Variants in POU3F3 observed in about 807,000 individuals in gnomAD.
POU3F3 encodes POU domain, class 3, transcription factor 3.
POU3F3 carries 1 observed loss-of-function variant against 8.6 expected under a neutral mutation model. The ratio of observed to expected loss-of-function variants is 0.12; its 90% confidence interval spans 0.04 to 0.55. The LOEUF (loss-of-function observed/expected upper bound fraction) is 0.55. Ranked by LOEUF, POU3F3 falls within the 20% of genes least tolerant of loss-of-function variation. The probability of loss-of-function intolerance (pLI) is 0.91; values close to 1 mark genes in which losing one functional copy is unlikely to be tolerated. For synonymous variants in POU3F3, 418 were observed against 327.4 expected (o/e 1.28, Z -2.99); for missense variants, 577 against 690.7 (o/e 0.84, Z 1.84).
downstream of POU3F3, among the ~76,000 whole-genome samples, chr2:104,862,243 G>A (rs1676668405): frequency 6.6e-6 from 1 of 152,166 alleles, no homozygotes; most frequent in South Asian, 2.1e-4. Flanking sequence ...TGATGAGTCC[G>A]GTCTTCCTCA....
chr2:104,904,444 C>G, the POU3F3 span, among the ~76,000 whole-genome samples: 4 of 151,754 alleles, frequency 2.6e-5, no homozygotes, highest in South Asian at 8.3e-4. Flanking sequence ...AAAAATCAAC[C>G]AAAAAAATCA....
At chr2:104,926,262 A>G in the POU3F3 span, among the ~76,000 whole-genome samples, 1 of 152,228 alleles carries the variant, frequency 6.6e-6, no homozygotes, top group Non-Finnish European at 1.5e-5. Flanking sequence ...TTACAAGAAA[A>G]AAACAAACAA....
the POU3F3 span, among the ~76,000 whole-genome samples, chr2:104,870,811 G>A: frequency 6.6e-6 from 1 of 152,144 alleles, no homozygotes; most frequent in Non-Finnish European, 1.5e-5. Flanking sequence ...GATAAGAAGG[G>A]GTGTCAATCA....
chr2:104,870,061 G>T, the POU3F3 span: 1 of 152,284 alleles, frequency 6.6e-6, no homozygotes, highest in Non-Finnish European at 1.5e-5. Context: ...TCAGGACTCA[G>T]GGCCATCATA....
In POU3F3 at chr2:104,855,335, G is replaced by A. The variant is rs1676529399; in HGVS notation, c.-176G>A. ...CGGCGGGGGCGGAGGCGGCGGCGGA[G>A]GAGGAGGCGGCGAAGGCGGCGGGGC... On this transcript the variant is annotated 5_prime_UTR_variant, in exon 1 of 1. Coordinates refer to ENST00000361360, the MANE Select transcript of POU3F3 (RefSeq NM_006236.3). Among the ~76,000 whole-genome samples the A allele has an allele frequency of 7.0e-6, 1 of 143,462 alleles. No homozygotes were observed. Among genetic ancestry groups the A allele is most frequent in the African/African-American group, 2.5e-5 (1 of 39,976 alleles). 94.1% of individuals were successfully genotyped at this position (143,462 alleles called of 152,430 possible).
Position 104,855,889 on chromosome 2 carries a change from G to A in POU3F3, c.379G>A (p.Val127Met). 1.9e-6 allele frequency: 2 copies of A among 1,058,108 alleles called. No homozygotes were observed. The highest frequency in any genetic ancestry group is 1.8e-5 in the African/African-American group (1 of 55,978). 65.5% of individuals were successfully genotyped at this position (1,058,108 alleles called of 1,614,324 possible). ...EASSPWSGSA[V>M]GMAGSPQQPP... is the part of the protein sequence containing the mutation. The stretch of plus-strand genomic sequence containing the variant: ...GAGCTCGCCGTGGTCGGGCAGCGCC[G>A]TGGGCATGGCTGGCAGCCCCCAGCA... Residue 127 changes from valine (V) to methionine (M), a missense_variant, in exon 1 of 1, where the codon GTG becomes ATG. Physicochemically the swap from Val to Met is conservative, Grantham distance 21. This residue lies in a region of POU3F3 where 484 missense variants were observed against 422.6 expected (regional missense o/e 1.15). Coordinates refer to ENST00000361360, the MANE Select transcript of POU3F3 (RefSeq NM_006236.3).
chr2:104,886,375 A>G, the POU3F3 span, among the ~76,000 whole-genome samples: 1 of 152,326 alleles, frequency 6.6e-6, no homozygotes, highest in African/African-American at 2.4e-5. Flanking sequence ...TATTCAGTAC[A>G]GTGACATGTT....
the POU3F3 span, among the ~76,000 whole-genome samples, chr2:104,872,073 G>GACACACAC: frequency 6.7e-6 from 1 of 150,040 alleles, no homozygotes; most frequent in East Asian, 2.0e-4. The surrounding 1 kb of genome is among the most constrained non-coding windows in gnomAD (Gnocchi z 4.6). Flanking sequence ...CACACACACA[G>GACACACAC]ACACACACAC....
chr2:104,884,074 C>A, the POU3F3 span, among the ~76,000 whole-genome samples: 2 of 152,110 alleles, frequency 1.3e-5, no homozygotes, highest in South Asian at 4.1e-4. Context: ...AGAATAGAGA[C>A]CATGCTCATT....
At chr2:104,869,398 C>T in the POU3F3 span, among the ~76,000 whole-genome samples, 1 of 152,212 alleles carries the variant, frequency 6.6e-6, no homozygotes, top group Non-Finnish European at 1.5e-5. Flanking sequence ...TGTCCATTTT[C>T]AAACAAGTTG....
the POU3F3 span, among the ~76,000 whole-genome samples, chr2:104,870,279 G>A: frequency 4.6e-3 from 695 of 152,322 alleles, 6 homozygotes; most frequent in African/African-American, 0.016. Flanking sequence ...CCCCACTGCA[G>A]GGCAATTAAC....
At chr2:104,872,171 C>T in the POU3F3 span, 4 of 452,824 alleles carry the variant, frequency 8.8e-6, no homozygotes, top group Admixed American at 9.5e-5. The surrounding 1 kb of genome is among the most constrained non-coding windows in gnomAD (Gnocchi z 4.6). Flanking sequence ...GCAGGGATGC[C>T]CTGCGCCCGC....
At chr2:104,896,664 C>G in the POU3F3 span, among the ~76,000 whole-genome samples, 1 of 152,244 alleles carries the variant, frequency 6.6e-6, no homozygotes, top group South Asian at 2.1e-4. Flanking sequence ...AGACCATCCC[C>G]TCTGCTCAGT....
the POU3F3 span, among the ~76,000 whole-genome samples, chr2:104,874,910 A>G: frequency 6.6e-6 from 1 of 152,228 alleles, no homozygotes; most frequent in Admixed American, 6.5e-5. Context: ...TTGTTGTGCA[A>G]CCATCACCAT....
chr2:104,878,976 A>G, the POU3F3 span, among the ~76,000 whole-genome samples: 2 of 151,908 alleles, frequency 1.3e-5, no homozygotes, highest in African/African-American at 4.8e-5. Context: ...ACACTCACAC[A>G]ACACGGCACA....
chr2:104,902,690 C>T, the POU3F3 span, among the ~76,000 whole-genome samples: 1 of 152,042 alleles, frequency 6.6e-6, no homozygotes, highest in South Asian at 2.1e-4. Context: ...AATATGGCAG[C>T]TATGGCAATC....
the POU3F3 span, among the ~76,000 whole-genome samples, chr2:104,923,850 T>C: frequency 6.6e-6 from 1 of 152,140 alleles, no homozygotes; most frequent in African/African-American, 2.4e-5. Flanking sequence ...TCTATACAAA[T>C]AGTAACCAGA....
At chr2:104,887,327 T>C in the POU3F3 span, among the ~76,000 whole-genome samples, 264 of 152,360 alleles carry the variant, frequency 1.7e-3, no homozygotes, top group African/African-American at 6.0e-3. Flanking sequence ...CCAGTAGGTT[T>C]CAGCCTCATT....
chr2:104,856,413 G>A lies in POU3F3; in HGVS notation c.903G>A (p.Ala301=). ...PPHHGGGGGG[A]GPGLNSHDPH... is the part of the protein sequence containing the mutation. ...ACCACGGCGGCGGCGGCGGCGGCGC[G>A]GGGCCTGGACTCAACAGCCACGACC... The change falls in exon 1 of 1, where the codon GCG becomes GCA. Residue 301 remains alanine, a synonymous_variant. Coordinates refer to ENST00000361360, the MANE Select transcript of POU3F3 (RefSeq NM_006236.3). 2.5e-6 allele frequency: 4 copies of A among 1,595,806 alleles called. No individual in the cohort carries two copies. The highest frequency in any genetic ancestry group is 3.4e-6 in the Non-Finnish European group (4 of 1,172,322).
Sources: allele counts gnomAD v4.1 joint callset (sites outside exome capture counted in the v4.1 genomes callset), GRCh38; gene constraint gnomAD v4.1.1; regional missense constraint gnomAD v4.1.1; non-coding constraint Gnocchi (gnomAD v3.1); transcripts MANE v1.5; gene names NCBI Gene and HGNC (gene_info 2026-07-23, HGNC 2026-07-21).